The following PAM variants were observed in gnomAD, a reference collection of about 807,000 sequenced individuals.
The protein encoded by PAM is peptidylglycine alpha-amidating monooxygenase.
PAM carries 72 observed loss-of-function variants against 122.1 expected under a neutral mutation model. That is an observed-to-expected ratio of 0.59 (90% CI 0.49 to 0.72). The LOEUF (loss-of-function observed/expected upper bound fraction) is 0.72, where lower values mean the gene tolerates loss of function less well. PAM is among the 30% of genes least tolerant of loss of function. The pLI is 0.00. For synonymous variants in PAM, 389 were observed against 404.4 expected (o/e 0.96, Z 0.46); for missense variants, 1,106 against 1,183.7 (o/e 0.93, Z 0.96).
intron 14 of PAM, among the ~76,000 whole-genome samples, chr5:102,966,127 G>A (rs1764006859): frequency 6.6e-6 from 1 of 151,984 alleles, no homozygotes; most frequent in Non-Finnish European, 1.5e-5. Flanking sequence ...AGAAGATACA[G>A]TTTTTGTTTG....
At chr5:102,926,133 G>A (rs1298054526) in intron 6 of PAM, among the ~76,000 whole-genome samples, 1 of 152,034 alleles carries the variant, frequency 6.6e-6, no homozygotes, top group Non-Finnish European at 1.5e-5. Flanking sequence ...TGTCGCCCAG[G>A]CCGGACTGCG....
intron 1 of PAM, among the ~76,000 whole-genome samples, chr5:102,759,384 G>A (rs1323967692): frequency 6.6e-6 from 1 of 152,114 alleles, no homozygotes; most frequent in Non-Finnish European, 1.5e-5. Context: ...TGGAAGTCAG[G>A]CAGAAAATGT....
In PAM at chr5:102,822,197, G is replaced by A. The variant is rs1561539628; in HGVS notation, c.-373-43626G>A. ...CTTTCATTTTGCATCATTTATTGTTGTACATTTGTATGATTATCATCTACT... is the reference window on the plus strand; with the variant it reads ...CTTTCATTTTGCATCATTTATTGTTATACATTTGTATGATTATCATCTACT... On this transcript the variant is annotated intron_variant, in intron 1 of 25. Coordinates refer to ENST00000438793, the MANE Select transcript of PAM (RefSeq NM_001177306.2). Among the ~76,000 whole-genome samples, 3 of 152,226 alleles carry A rather than the reference G, an allele frequency of 2.0e-5. No homozygotes were observed. In the South Asian group the frequency reaches 6.2e-4, roughly 32 times the overall value.
chr5:102,949,598 A>G lies in PAM; in HGVS notation c.705A>G (p.Arg235=), dbSNP rs143899046. 85 of 1,477,338 alleles carry G rather than the reference A, an allele frequency of 5.8e-5. No individual in the cohort carries two copies. The African/African-American group carries it at 1.0e-3, about 18-fold the overall frequency. 91.5% of individuals were successfully genotyped at this position (1,477,338 alleles called of 1,614,324 possible). ...ATCCAATGCATGTCTTTGCCTATAG[A>G]GTTCACACTCACCATTTAGGTAAGA... ...KNYPMHVFAY[R]VHTHHLGKVV... Residue 235 remains arginine (R), a synonymous_variant, in exon 10 of 26, where the codon AGA becomes AGG. Coordinates refer to ENST00000438793, the MANE Select transcript of PAM (RefSeq NM_001177306.2).
At chr5:102,982,652 A>G (rs1306453406) in intron 15 of PAM, among the ~76,000 whole-genome samples, 1 of 152,242 alleles carries the variant, frequency 6.6e-6, no homozygotes, top group Non-Finnish European at 1.5e-5. Context: ...TACAGAGACT[A>G]CTGTGTCCAC....
chr5:102,896,579 T>C (rs1796283010), intron 3 of PAM, among the ~76,000 whole-genome samples: 1 of 151,628 alleles, frequency 6.6e-6, no homozygotes, highest in Non-Finnish European at 1.5e-5. Context: ...GGGAAAAATG[T>C]TGATAGGGGA....
chr5:102,929,308 C>A (rs1019071850), intron 7 of PAM, among the ~76,000 whole-genome samples: 8 of 152,152 alleles, frequency 5.3e-5, no homozygotes, highest in Non-Finnish European at 1.0e-4. Context: ...TCATACTTAT[C>A]TCCAGATGCA....
intron 1 of PAM, among the ~76,000 whole-genome samples, chr5:102,805,583 C>G (rs1027127016): frequency 3.3e-5 from 5 of 152,162 alleles, no homozygotes; most frequent in African/African-American, 9.7e-5. Flanking sequence ...TTTCTAACCT[C>G]TGGACCTCAT....
At chr5:102,974,504 G>A (rs1766966146) in intron 15 of PAM, 68 bp downstream of exon 15, 2 of 1,024,204 alleles carry the variant, frequency 2.0e-6, no homozygotes, top group Non-Finnish European at 2.9e-6. Flanking sequence ...AAAACCTGAA[G>A]GGAATAAGAA....
chr5:102,976,999 C>A (rs972892150), intron 15 of PAM, among the ~76,000 whole-genome samples: 1 of 152,080 alleles, frequency 6.6e-6, no homozygotes, highest in Non-Finnish European at 1.5e-5. Context: ...TCTGATGTCC[C>A]CAGTTGTTGA....
chr5:102,866,613 G>A (rs76880975), intron 2 of PAM: 21,274 of 299,348 alleles, frequency 0.071, 1,906 homozygotes, highest in African/African-American at 0.26. Context: ...TAAAATATAA[G>A]GATACATCAG....
At chr5:102,800,189 A>G (rs1482954843) in intron 1 of PAM, among the ~76,000 whole-genome samples, 2 of 152,108 alleles carry the variant, frequency 1.3e-5, no homozygotes, top group Non-Finnish European at 2.9e-5. Flanking sequence ...GCTGCTTTCT[A>G]TGCCTAGAAG....
chr5:102,816,440 G>A lies in PAM; in HGVS notation c.-373-49383G>A, dbSNP rs77750037. Among the ~76,000 whole-genome samples, 1,026 of 152,176 alleles carry A rather than the reference G, an allele frequency of 6.7e-3. 7 individuals are homozygous for A. Among genetic ancestry groups the A allele is most frequent in the African/African-American group, 0.023 (971 of 41,532 alleles). On this transcript the variant is annotated intron_variant, in intron 1 of 25. Coordinates refer to ENST00000438793, the MANE Select transcript of PAM (RefSeq NM_001177306.2). ...CTTTTCTCCCCTTAGTAGCAAAACT[G>A]CTCAAGTACAGTCTGGGCATGTTGT...
chr5:102,947,439 T>C (rs1006250252), intron 8 of PAM, among the ~76,000 whole-genome samples: 1 of 152,098 alleles, frequency 6.6e-6, no homozygotes, highest in African/African-American at 2.4e-5. Context: ...AAACCAAACA[T>C]TGTATGTTCT....
At chr5:103,029,824 A>C (rs1257079406), downstream of PAM, 5 of 152,258 alleles carry the variant, frequency 3.3e-5, no homozygotes, top group Non-Finnish European at 7.3e-5. Context: ...GATGTCTTCA[A>C]CTAAAAGAAA....
intron 1 of PAM, among the ~76,000 whole-genome samples, chr5:102,801,800 A>G (rs1764785911): frequency 1.9e-5 from 2 of 107,666 alleles, no homozygotes; most frequent in African/African-American, 4.1e-5. Context: ...TTTTTTTGAG[A>G]CGGAGTCTCG....
chr5:102,901,486 T>G, intron 4 of PAM, 73 bp downstream of exon 4: 2 of 843,890 alleles, frequency 2.4e-6, no homozygotes, highest in Non-Finnish European at 4.1e-6. Flanking sequence ...AAAGGTTCTC[T>G]TTGAGGGTTA....
intron 14 of PAM, among the ~76,000 whole-genome samples, chr5:102,964,546 G>GCAACATGTAGA: frequency 6.6e-6 from 1 of 151,776 alleles, no homozygotes; most frequent in Non-Finnish European, 1.5e-5. Context: ...GGCTTTAATT[G>GCAACATGTAGA]AGTCTGTAGG....
intron 7 of PAM, 68 bp downstream of exon 7, chr5:102,926,736 C>T (rs543416048): frequency 1.9e-5 from 15 of 785,270 alleles, no homozygotes; most frequent in Non-Finnish European, 3.3e-5. Context: ...CATGCACAAA[C>T]TATTATCTAC....
Sources: gnomAD v4.1 joint callset for allele counts (sites outside exome capture counted in the v4.1 genomes callset) on GRCh38, gnomAD v4.1.1 for gene constraint, MANE v1.5 for transcripts, NCBI Gene and HGNC (gene_info 2026-07-23, HGNC 2026-07-21) for gene names.